The following CLEC4A variants were observed in gnomAD, a reference collection of about 807,000 sequenced individuals.
CLEC4A encodes the protein C-type lectin domain family 4 member A.
A neutral mutation model predicts 32.7 loss-of-function variants in CLEC4A; 27 were observed. The ratio of observed to expected loss-of-function variants is 0.83; its 90% CI spans 0.61 to 1.14. CLEC4A has a LOEUF of 1.14. Among genes scored for constraint, CLEC4A ranks in the 50% most tolerant of loss-of-function variants. The pLI is 0.00. For synonymous variants in CLEC4A, 89 were observed against 93.7 expected (o/e 0.95, Z 0.29); for missense variants, 253 against 274.6 (o/e 0.92, Z 0.55).
Position 8,123,835 on chromosome 12 carries a change from T to C in CLEC4A, c.-44T>C. 1 of 1,367,864 alleles carries C rather than the reference T, an allele frequency of 7.3e-7. No homozygotes were observed. The highest frequency in any genetic ancestry group is 1.0e-6 in the Non-Finnish European group (1 of 956,606). 84.7% of individuals were successfully genotyped at this position (1,367,864 alleles called of 1,614,324 possible). A position where few individuals can be genotyped will look rare whatever the true frequency, so the allele number is the denominator to read the frequency against. ...TGTTTATAAGATGTTTTAAGAAAGATCTGAAACAGATTTTCTGAAGAAAGC... is the reference window on the plus strand; with the variant it reads ...TGTTTATAAGATGTTTTAAGAAAGACCTGAAACAGATTTTCTGAAGAAAGC... On this transcript the variant is annotated 5_prime_UTR_variant, in exon 1 of 6. Transcript: ENST00000229332.
rs1948164121 is a variant in CLEC4A, at chr12:8,138,345, T to A, written c.*58T>A. 4 of 1,591,038 alleles carry A rather than the reference T, an allele frequency of 2.5e-6. No homozygotes were observed. Among genetic ancestry groups the A allele is most frequent in the Non-Finnish European group, 3.4e-6 (4 of 1,164,236 alleles). On this transcript the variant is annotated 3_prime_UTR_variant, in exon 6 of 6. Transcript: ENST00000229332. ...TGGTATCTGTCATTGTAGGGATAGATAATAAGCTCTTCTTATTCATGTGTA... is the reference window on the plus strand; with the variant it reads ...TGGTATCTGTCATTGTAGGGATAGAAAATAAGCTCTTCTTATTCATGTGTA...
chr12:8,103,274 A>C, the CLEC4A span, among the ~76,000 whole-genome samples: 1 of 151,864 alleles, frequency 6.6e-6, no homozygotes, highest in African/African-American at 2.4e-5. Flanking sequence ...TTGCTTATAA[A>C]GTCCAAAATA....
chr12:8,117,592 A>G, the CLEC4A span, among the ~76,000 whole-genome samples: 2 of 152,054 alleles, frequency 1.3e-5, no homozygotes, highest in African/African-American at 2.4e-5. Context: ...TTAGGTGACA[A>G]TGTGTTTCAA....
chr12:8,125,322 A>G lies in CLEC4A; in HGVS notation c.83-239A>G, dbSNP rs994336347. ...ATATACCAAAATATTATGGTATATT[A>G]TAAGTTATATGGCATAACAGTTATC... On this transcript the variant is annotated intron_variant, in intron 1 of 5. Coordinates refer to ENST00000229332, the MANE Select transcript of CLEC4A (RefSeq NM_016184.4). Among the ~76,000 whole-genome samples the G allele has an allele frequency of 5.9e-5, 9 of 152,202 alleles. 1 individual carries two copies. In the East Asian group the frequency reaches 1.7e-3, roughly 29 times the overall value.
chr12:8,114,456 G>A, the CLEC4A span, among the ~76,000 whole-genome samples: 1 of 152,110 alleles, frequency 6.6e-6, no homozygotes, highest in African/African-American at 2.4e-5. Flanking sequence ...GTGTTAGCCA[G>A]GATGGTCTCA....
upstream of CLEC4A, chr12:8,123,520 C>T (rs111234804): frequency 5.9e-3 from 1,040 of 175,544 alleles, 8 homozygotes; most frequent in African/African-American, 0.023. Context: ...TGGTGAAAAA[C>T]GCAGTTCTCC....
chr12:8,110,170 A>G, the CLEC4A span, among the ~76,000 whole-genome samples: 3 of 152,098 alleles, frequency 2.0e-5, no homozygotes, highest in Non-Finnish European at 2.9e-5. Flanking sequence ...GTGCTTTATA[A>G]AGATTGTCTC....
At chr12:8,125,734 C>A in intron 2 of CLEC4A, 57 bp downstream of exon 2, 2 of 995,204 alleles carry the variant, frequency 2.0e-6, no homozygotes, top group Admixed American at 2.0e-5. Context: ...CAGAGGGTAT[C>A]CTTTAAAAAC....
At chr12:8,128,610 C>T (rs902364815) in intron 2 of CLEC4A, among the ~76,000 whole-genome samples, 11 of 152,078 alleles carry the variant, frequency 7.2e-5, no homozygotes, top group African/African-American at 2.7e-4. Context: ...GAGGTTTCAC[C>T]ATCTTGGCCA....
At chr12:8,116,258 G>A in the CLEC4A span, among the ~76,000 whole-genome samples, 6 of 151,902 alleles carry the variant, frequency 3.9e-5, no homozygotes, top group Admixed American at 2.6e-4. Context: ...CACCGCACCC[G>A]GTCTAATTTT....
chr12:8,135,466 G>C (rs1948096395), intron 3 of CLEC4A, 119 bp from the exon 4 acceptor site: 2 of 984,018 alleles, frequency 2.0e-6, no homozygotes, highest in African/African-American at 3.2e-5. Flanking sequence ...GGTTGCATCT[G>C]AGTGTGGAGG....
chr12:8,111,657 G>A, the CLEC4A span, among the ~76,000 whole-genome samples: 1 of 152,068 alleles, frequency 6.6e-6, no homozygotes, highest in African/African-American at 2.4e-5. Context: ...TATGTTTAGA[G>A]CTATTCAGGT....
At chr12:8,122,824 G>C (rs1221116860), upstream of CLEC4A, among the ~76,000 whole-genome samples, 3 of 152,058 alleles carry the variant, frequency 2.0e-5, no homozygotes, top group Non-Finnish European at 4.4e-5. Context: ...GTGTTTGTGT[G>C]TGTGTGCATG....
At chr12:8,128,187 A>G (rs1483957906) in intron 2 of CLEC4A, among the ~76,000 whole-genome samples, 1 of 152,170 alleles carries the variant, frequency 6.6e-6, no homozygotes, top group Non-Finnish European at 1.5e-5. Flanking sequence ...GCAGCAAGAA[A>G]GGTAAGACAA....
chr12:8,136,783 C>T lies in CLEC4A; in HGVS notation c.451-5C>T. On this transcript the variant is annotated splice_region_variant and splice_polypyrimidine_tract_variant and intron_variant, in intron 4 of 5. Coordinates refer to ENST00000229332, the MANE Select transcript of CLEC4A (RefSeq NM_016184.4). Reference sequence around the variant, plus strand: ...AGGCTGTGACTCCTTCTTTTCCCCCCTCAGGATTTCATCTTCCAGAATCTG... The same window carrying T: ...AGGCTGTGACTCCTTCTTTTCCCCCTTCAGGATTTCATCTTCCAGAATCTG... 3.1e-6 allele frequency: 5 copies of T among 1,589,080 alleles called. No individual in the cohort carries two copies. The highest frequency in any genetic ancestry group is 4.3e-6 in the Non-Finnish European group (5 of 1,157,452).
Position 8,134,979 on chromosome 12 carries a change from G to GT in CLEC4A, c.299-600dup, listed in dbSNP as rs1591611840. Reference sequence around the variant, plus strand: ...TGTATCTTCTTGTTGAAGCGTTTTTGTTTTTTGTTTTTTTTTAATCATGGC... The same window carrying GT: ...TGTATCTTCTTGTTGAAGCGTTTTTGTTTTTTTGTTTTTTTTTAATCATGGC... On this transcript the variant is annotated intron_variant, in intron 3 of 5. Coordinates refer to ENST00000229332, the MANE Select transcript of CLEC4A (RefSeq NM_016184.4). 1.2e-3 allele frequency: 198 copies of GT among 165,760 alleles called. 26 individuals carry two copies. Among genetic ancestry groups the GT allele is most frequent in the South Asian group, 2.0e-3 (5 of 2,518 alleles). The allele number at this position is 165,760 out of a possible 1,614,324, so 10.3% of individuals were successfully genotyped here.
rs779177925 is a variant in CLEC4A, at chr12:8,134,505, G to A, written c.299-1080G>A. On this transcript the variant is annotated intron_variant, in intron 3 of 5. Transcript: ENST00000229332. ...CAGCTTCACGGCACCAGAGGGGACG[G>A]TGCAGGGCTCCGGGGAGGCCCCATC... 11 of 1,613,900 alleles carry A rather than the reference G, an allele frequency of 6.8e-6. No homozygotes were observed. In the South Asian group the frequency reaches 9.9e-5, roughly 15 times the overall value.
intron 3 of CLEC4A, chr12:8,133,846 C>G (rs1948042659): frequency 6.3e-7 from 1 of 1,583,390 alleles, no homozygotes; most frequent in African/African-American, 1.3e-5. Context: ...GGAAAGGGAC[C>G]GAGGAGTACA....
At chr12:8,116,182 G>A in the CLEC4A span, among the ~76,000 whole-genome samples, 1 of 152,034 alleles carries the variant, frequency 6.6e-6, no homozygotes, top group East Asian at 1.9e-4. Context: ...GGCTGGTCTT[G>A]AACTCCTGAC....
Sources: allele counts gnomAD v4.1 joint callset (sites outside exome capture counted in the v4.1 genomes callset), GRCh38; gene constraint gnomAD v4.1.1; transcripts MANE v1.5; gene names NCBI Gene and HGNC (gene_info 2026-07-23, HGNC 2026-07-21).